RORB: variants seen among roughly 807,000 people sequenced by gnomAD.
RORB encodes nuclear receptor ROR-beta.
A neutral mutation model predicts 59.1 loss-of-function variants in RORB; 6 were observed. That is an observed-to-expected ratio of 0.10 (90% confidence interval 0.06 to 0.20). RORB has a LOEUF of 0.20. Ranked by LOEUF, RORB falls within the 10% of genes least tolerant of loss-of-function variation. The probability of loss-of-function intolerance (pLI) is 1.00; values close to 1 mark genes in which losing one functional copy is unlikely to be tolerated. For synonymous variants in RORB, 215 were observed against 204.5 expected (o/e 1.05, Z -0.44); for missense variants, 320 against 560.5 (o/e 0.57, Z 4.33).
chr9:74,568,286 CA>C, intron 1 of RORB, among the ~76,000 whole-genome samples: 1 of 150,736 alleles, frequency 6.6e-6, no homozygotes. Flanking sequence ...AATAGAAACT[CA>C]AAAAAATTAT....
intron 1 of RORB, among the ~76,000 whole-genome samples, chr9:74,564,083 C>T (rs1450194959): frequency 1.3e-5 from 2 of 152,110 alleles, no homozygotes; most frequent in African/African-American, 2.4e-5. Flanking sequence ...TGTGCAATGT[C>T]GTACACAATA....
intron 1 of RORB, among the ~76,000 whole-genome samples, chr9:74,553,295 T>C (rs75075254): frequency 6.6e-6 from 1 of 152,216 alleles, no homozygotes; most frequent in Non-Finnish European, 1.5e-5. Context: ...ATTTTGGTTC[T>C]GTTTCAGGAA....
At chr9:74,537,251 A>C (rs1826334334) in intron 1 of RORB, among the ~76,000 whole-genome samples, 1 of 152,112 alleles carries the variant, frequency 6.6e-6, no homozygotes, top group South Asian at 2.1e-4. Context: ...TGGGAACTTG[A>C]AGAATAAAGA....
intron 2 of RORB, 61 bp from the exon 3 acceptor site, chr9:74,634,570 T>G (rs1000967311): frequency 6.9e-7 from 1 of 1,456,356 alleles, no homozygotes; most frequent in Non-Finnish European, 9.2e-7. Context: ...ATGTATACAT[T>G]AATGTTCTCT....
At chr9:74,553,201 C>T (rs900008575) in intron 1 of RORB, among the ~76,000 whole-genome samples, 5 of 152,124 alleles carry the variant, frequency 3.3e-5, no homozygotes, top group African/African-American at 1.2e-4. Flanking sequence ...CTGGCGGGAG[C>T]AGATGGGTTT....
At chr9:74,655,269 A>G (rs1376861491) in intron 4 of RORB, among the ~76,000 whole-genome samples, 1 of 152,222 alleles carries the variant, frequency 6.6e-6, no homozygotes, top group Non-Finnish European at 1.5e-5. Context: ...TCTCAGGAAG[A>G]GCAGAGTGTA....
chr9:74,550,791 T>A (rs887839047), intron 1 of RORB, among the ~76,000 whole-genome samples: 2 of 152,230 alleles, frequency 1.3e-5, no homozygotes, highest in Non-Finnish European at 2.9e-5. Flanking sequence ...CTATGAGCAT[T>A]TAGAGCTGCA....
intron 1 of RORB, among the ~76,000 whole-genome samples, chr9:74,618,564 A>G (rs1823350587): frequency 6.6e-6 from 1 of 151,930 alleles, no homozygotes; most frequent in Non-Finnish European, 1.5e-5. Context: ...TAACACACTC[A>G]AGAGATTTAG....
At chr9:74,634,586 C>A (rs1215276585) in intron 2 of RORB, 45 bp from the exon 3 acceptor site, 2 of 1,529,422 alleles carry the variant, frequency 1.3e-6, no homozygotes, top group Non-Finnish European at 1.8e-6. Flanking sequence ...TCTCTGTTTC[C>A]CTTCTTATAA....
intron 1 of RORB, among the ~76,000 whole-genome samples, chr9:74,624,601 C>T (rs1296342309): frequency 6.6e-6 from 1 of 152,198 alleles, no homozygotes; most frequent in Non-Finnish European, 1.5e-5. Flanking sequence ...CCCAGAGATA[C>T]CTGCTGCATC....
intron 1 of RORB, among the ~76,000 whole-genome samples, chr9:74,603,861 G>A (rs372153230): frequency 6.6e-6 from 1 of 152,146 alleles, no homozygotes; most frequent in Admixed American, 6.5e-5. Flanking sequence ...ATAATGGGTG[G>A]GCTAAGCGGA....
At chr9:74,672,132 G>A (rs1824356752) in intron 9 of RORB, among the ~76,000 whole-genome samples, 1 of 152,154 alleles carries the variant, frequency 6.6e-6, no homozygotes, top group African/African-American at 2.4e-5. Flanking sequence ...CCAAGCTTCA[G>A]GAGGACAAAT....
intron 1 of RORB, among the ~76,000 whole-genome samples, chr9:74,501,689 C>T (rs1027313154): frequency 6.6e-6 from 1 of 152,196 alleles, no homozygotes; most frequent in Admixed American, 6.5e-5. Flanking sequence ...TCTAGCGACT[C>T]TCTCCTCCTT....
intron 1 of RORB, among the ~76,000 whole-genome samples, chr9:74,524,079 G>A (rs1826120758): frequency 6.9e-6 from 1 of 144,920 alleles, no homozygotes. Context: ...AGAGGAATAA[G>A]GTAAATATCT....
chr9:74,612,626 C>T (rs574611620), intron 1 of RORB, among the ~76,000 whole-genome samples: 178 of 152,188 alleles, frequency 1.2e-3, no homozygotes, highest in Non-Finnish European at 1.9e-3. Context: ...TTCCTGGTTG[C>T]GAGAGCGGGA....
At chr9:74,576,874 A>G (rs1398682759) in intron 1 of RORB, among the ~76,000 whole-genome samples, 6 of 152,124 alleles carry the variant, frequency 3.9e-5, no homozygotes, top group African/African-American at 1.4e-4. Context: ...AATACTCATA[A>G]TGAACCCATG....
At chr9:74,640,457 GTATT>G (rs1823783516) in intron 3 of RORB, among the ~76,000 whole-genome samples, 1 of 151,806 alleles carries the variant, frequency 6.6e-6, no homozygotes, top group Non-Finnish European at 1.5e-5. Flanking sequence ...GTGTGTGTGT[GTATT>G]TTTAGTAGAG....
intron 1 of RORB, among the ~76,000 whole-genome samples, chr9:74,525,651 G>T (rs947890899): frequency 4.6e-5 from 7 of 151,854 alleles, no homozygotes; most frequent in African/African-American, 1.7e-4. Context: ...TGGGAAACCG[G>T]ATTTAAGTTC....
intron 4 of RORB, among the ~76,000 whole-genome samples, chr9:74,643,095 G>A (rs568991261): frequency 1.3e-5 from 2 of 152,270 alleles, no homozygotes; most frequent in East Asian, 3.9e-4. Flanking sequence ...GGTTCTCACT[G>A]AAGGAAAAAT....
Sources: gnomAD v4.1 joint callset for allele counts (sites outside exome capture counted in the v4.1 genomes callset) on GRCh38, gnomAD v4.1.1 for gene constraint, MANE v1.5 for transcripts, NCBI Gene and HGNC (gene_info 2026-07-23, HGNC 2026-07-21) for gene names.